The following MRPL55 variants were observed in gnomAD, a reference collection of about 807,000 sequenced individuals.
MRPL55 encodes large ribosomal subunit protein mL55.
MRPL55 carries 7 observed loss-of-function variants against 10.6 expected under a neutral mutation model. That is an observed-to-expected ratio of 0.66 (90% CI 0.38 to 1.24). The LOEUF is 1.24. MRPL55 is among the 50% of genes most tolerant of loss of function. The pLI, the probability that MRPL55 is intolerant of heterozygous loss-of-function variation, is 0.02. For synonymous variants in MRPL55, 57 were observed against 71.8 expected, an observed-to-expected ratio of 0.79 and a Z score of 1.04; for missense variants, 148 against 180.3, an observed-to-expected ratio of 0.82 and a Z score of 1.03.
rs370221036 is a variant in MRPL55, at chr1:228,106,740, C to T, written c.*20G>A. 2.0e-5 allele frequency: 32 copies of T among 1,602,474 alleles called. No homozygotes were observed. In the East Asian group the frequency reaches 4.0e-4, roughly 20 times the overall value. ...CAGCCCTCCCATCTTAGCAATGTCC[C>T]GGGGTGGCTGGAGCCACGGTCACTT... On this transcript the variant is annotated 3_prime_UTR_variant, in exon 5 of 5. Transcript: ENST00000336520.
At chr1:228,106,992 C>T (rs1157385298) in intron 4 of MRPL55, 74 bp from the exon 5 acceptor site, 1 of 1,249,946 alleles carries the variant, frequency 8.0e-7, no homozygotes, top group Non-Finnish European at 1.1e-6. Context: ...CAGCCCAAGG[C>T]CTTCCTCTCA....
chr1:228,108,262 C>T lies in MRPL55; in HGVS notation c.-2G>A. The stretch of plus-strand genomic sequence containing the variant: ...AAGCAGGCTGCCCACGGCCGCCATT[C>T]CTCCTTACAGCCCCAGTGGCACGTG... On this transcript the variant is annotated 5_prime_UTR_variant, in exon 3 of 5. Coordinates refer to ENST00000336520, the MANE Select transcript of MRPL55 (RefSeq NM_181463.3). 7 of 1,611,332 alleles carry T rather than the reference C, an allele frequency of 4.3e-6. No individual in the cohort carries two copies. Among genetic ancestry groups the T allele is most frequent in the Non-Finnish European group, 5.9e-6 (7 of 1,179,082 alleles).
Position 228,106,894 on chromosome 1 carries a change from AC to A in MRPL55, c.252del (p.Ser85LeufsTer62). The A allele has an allele frequency of 6.2e-7, 1 of 1,613,508 alleles. No individual in the cohort carries two copies. Among genetic ancestry groups the A allele is most frequent in the Non-Finnish European group, 8.5e-7 (1 of 1,179,924 alleles). On this transcript the variant is annotated frameshift_variant, in exon 5 of 5. Coordinates refer to ENST00000336520, the MANE Select transcript of MRPL55 (RefSeq NM_181463.3). LOFTEE classifies it low-confidence loss of function (END_TRUNC). Reference sequence around the variant, plus strand: ...AGCCTGGCCCGGCGCTCCTCAGGAGACAGGGTGTCCAGATCTATGGGCATCT... The same window carrying A: ...AGCCTGGCCCGGCGCTCCTCAGGAGAAGGGTGTCCAGATCTATGGGCATCT... ...MLAMPIDLDT[L>X]SPEERRARLR...
At position 228,106,774 on chromosome 1, in the gene MRPL55, T is replaced by C. The variant is rs2033154871; in HGVS notation, c.373A>G (p.Arg125Gly). ...TGGAGCCACGGTCACTTCTTGGTCC[T>C]GGTCCAGAACTGTCGGTAGCGCTCC... ...HVERYRQFWT[R>G]TKK Residue 125 changes from arginine (R) to glycine (G), a missense_variant, in exon 5 of 5, where the codon AGG (arginine) becomes GGG (glycine). Arg to Gly is a moderately radical substitution (Grantham distance 125). Transcript: ENST00000336520. The C allele has an allele frequency of 1.2e-6, 2 of 1,612,828 alleles. No homozygotes were observed. The highest frequency in any genetic ancestry group is 4.5e-5 in the East Asian group (2 of 44,856).
chr1:228,107,893 G>A, intron 3 of MRPL55, 24 bp from the exon 4 acceptor site: 1 of 1,612,152 alleles, frequency 6.2e-7, no homozygotes, highest in Non-Finnish European at 8.5e-7. Context: ...TTCAAGCTCT[G>A]GTCAGCCGAC....
At chr1:228,107,598 G>A in intron 4 of MRPL55, 70 bp downstream of exon 4, 5 of 1,439,444 alleles carry the variant, frequency 3.5e-6, no homozygotes, top group Non-Finnish European at 4.8e-6. Context: ...AAGGCGACTG[G>A]TCACCAGCAC....
chr1:228,106,904 C>T lies in MRPL55; in HGVS notation c.243G>A (p.Leu81=). The stretch of plus-strand genomic sequence containing the variant: ...GGCGCTCCTCAGGAGACAGGGTGTC[C>T]AGATCTATGGGCATCTGCAGGGGAC... ...PRRMLAMPID[L]DTLSPEERRA... Residue 81 remains leucine (L), a synonymous_variant, in exon 5 of 5, where the codon CTG becomes CTA. Coordinates refer to ENST00000336520, the MANE Select transcript of MRPL55 (RefSeq NM_181463.3). 1 of 1,613,350 alleles carries T rather than the reference C, an allele frequency of 6.2e-7. No individual in the cohort carries two copies. The highest frequency in any genetic ancestry group is 8.5e-7 in the Non-Finnish European group (1 of 1,179,876).
rs1336869101 is a variant in MRPL55 at position 228,107,995 on chromosome 1, C to T, written c.27-126G>A. 3 of 1,545,472 alleles carry T rather than the reference C, an allele frequency of 1.9e-6. No individual in the cohort carries two copies. The Admixed American group carries it at 5.9e-5, about 30-fold the overall frequency. Reference sequence around the variant, plus strand: ...ACATTACCAGAGCTGGTGACCCGTGCCGGGGCAGGATGAGCCTCGGGGCTT... The same window carrying T: ...ACATTACCAGAGCTGGTGACCCGTGTCGGGGCAGGATGAGCCTCGGGGCTT... On this transcript the variant is annotated intron_variant, in intron 3 of 4. Transcript: ENST00000336520.
rs1193590067 is a variant in MRPL55 at position 228,107,686 on chromosome 1, C to T, written c.210G>A (p.Glu70=). 6.2e-7 allele frequency: 1 copy of T among 1,613,140 alleles called. No individual in the cohort carries two copies. Among genetic ancestry groups the T allele is most frequent in the Non-Finnish European group, 8.5e-7 (1 of 1,180,022 alleles). Residue 70 remains glutamate (E), a synonymous_variant, in exon 4 of 5, where the codon GAG becomes GAA. Coordinates refer to ENST00000336520, the MANE Select transcript of MRPL55 (RefSeq NM_181463.3). ...DGSTIHIRYR[E]PRRMLAMPID... ...AGCTTACCGCCAGCATGCGCCGTGGCTCCCTGTAGCGGATGTGGATGGTGG... is the reference window on the plus strand; with the variant it reads ...AGCTTACCGCCAGCATGCGCCGTGGTTCCCTGTAGCGGATGTGGATGGTGG...
At chr1:228,108,046 G>C in intron 3 of MRPL55, 177 bp from the exon 4 acceptor site, 1 of 1,544,528 alleles carries the variant, frequency 6.5e-7, no homozygotes, top group Non-Finnish European at 8.8e-7. Flanking sequence ...GCTGTGGTCA[G>C]AGGCGTTCTG....
Position 228,106,864 on chromosome 1 carries a change from T to TC in MRPL55, c.282dup (p.Lys95GlufsTer3). The TC allele has an allele frequency of 6.2e-7, 1 of 1,613,814 alleles. No individual in the cohort carries two copies. Among genetic ancestry groups the TC allele is most frequent in the Non-Finnish European group, 8.5e-7 (1 of 1,179,994 alleles). ...CTCGACTGGAGCTGAGCCTCACGCT[T>TC]CCGCAGCCTGGCCCGGCGCTCCTCA... is the stretch of plus-strand genomic sequence containing the variant. On this transcript the variant is annotated frameshift_variant, in exon 5 of 5. Transcript: ENST00000336520. LOFTEE classifies it low-confidence loss of function (END_TRUNC).
chr1:228,107,916 G>C, intron 3 of MRPL55, 47 bp from the exon 4 acceptor site: 1 of 1,602,282 alleles, frequency 6.2e-7, no homozygotes, highest in Non-Finnish European at 8.5e-7. Flanking sequence ...TGCTGCAGCA[G>C]AGTGCCAACA....
At chr1:228,107,614 C>A (rs1420494028) in intron 4 of MRPL55, 54 bp downstream of exon 4, 5 of 1,564,548 alleles carry the variant, frequency 3.2e-6, no homozygotes, top group Non-Finnish European at 4.4e-6. Flanking sequence ...AGCACCCCCA[C>A]CACAGCCTCG....
chr1:228,107,009 G>T, intron 4 of MRPL55, 91 bp from the exon 5 acceptor site: 1 of 961,812 alleles, frequency 1.0e-6, no homozygotes, highest in Non-Finnish European at 1.6e-6. Context: ...CTCAACTTAC[G>T]TCTTCCATCC....
At chr1:228,107,006 T>TA (rs2124876165) in intron 4 of MRPL55, 88 bp from the exon 5 acceptor site, 2 of 1,000,218 alleles carry the variant, frequency 2.0e-6, no homozygotes, top group Admixed American at 2.2e-5. Flanking sequence ...CCTCTCAACT[T>TA]ACGTCTTCCA....
At chr1:228,106,948 G>C (rs761629597) in intron 4 of MRPL55, 30 bp from the exon 5 acceptor site, 1 of 1,595,416 alleles carries the variant, frequency 6.3e-7, no homozygotes, top group Admixed American at 1.7e-5. Flanking sequence ...TTTCGTCCAT[G>C]TGGATCGAGG....
chr1:228,108,974 T>TG lies in MRPL55; in HGVS notation c.-79dup, dbSNP rs1052326914. 6 of 152,984 alleles carry TG rather than the reference T, an allele frequency of 3.9e-5. No homozygotes were observed. The highest frequency in any genetic ancestry group is 1.4e-4 in the African/African-American group (6 of 41,566). The allele number at this position is 152,984 out of a possible 1,614,324, so 9.5% of individuals were successfully genotyped here. A position where few individuals can be genotyped will look rare whatever the true frequency, so the allele number is the denominator to read the frequency against. ...CCTCACCAGCACAGGAGCCTGGGGC[T>TG]GGTCCAGGAGGGTCTTCGGGGAAAG... On this transcript the variant is annotated 5_prime_UTR_variant, in exon 2 of 5. Transcript: ENST00000336520.
chr1:228,108,586 T>C (rs2033452295), intron 2 of MRPL55: 2 of 380,078 alleles, frequency 5.3e-6, no homozygotes, highest in African/African-American at 2.1e-5. Context: ...CTGCGAAACC[T>C]CTCTGAATGG....
At chr1:228,107,509 T>G (rs970810674) in intron 4 of MRPL55, among the ~76,000 whole-genome samples, 159 bp downstream of exon 4, 1 of 152,226 alleles carries the variant, frequency 6.6e-6, no homozygotes, top group Non-Finnish European at 1.5e-5. Context: ...GATCTAAGCC[T>G]TCCTCCACTC....
Sources: allele counts gnomAD v4.1 joint callset (sites outside exome capture counted in the v4.1 genomes callset), GRCh38; gene constraint gnomAD v4.1.1; transcripts MANE v1.5; gene names NCBI Gene and HGNC (gene_info 2026-07-23, HGNC 2026-07-21).